The following RNF150 variants were observed in gnomAD, a reference collection of about 807,000 sequenced individuals.
RNF150 encodes ring finger protein 150.
A neutral mutation model predicts 39.3 loss-of-function variants in RNF150; 24 were observed. The observed-to-expected ratio is 0.61, with a 90% CI of 0.44 to 0.86. The LOEUF is 0.86. RNF150 is among the 40% of genes least tolerant of loss of function. The pLI, the probability that RNF150 is intolerant of heterozygous loss-of-function variation, is 0.00. For synonymous variants in RNF150, 255 were observed against 227.3 expected (o/e 1.12, Z -1.10); for missense variants, 502 against 587.8 (o/e 0.85, Z 1.51).
chr4:141,155,876 A>C (rs764210955), intron 1 of RNF150, among the ~76,000 whole-genome samples: 2 of 152,070 alleles, frequency 1.3e-5, no homozygotes, highest in Non-Finnish European at 2.9e-5. Flanking sequence ...TCAGTAGCAG[A>C]GCAAGTCTTT....
At chr4:141,045,764 G>C (rs539116337) in intron 1 of RNF150, among the ~76,000 whole-genome samples, 78 of 152,048 alleles carry the variant, frequency 5.1e-4, no homozygotes, top group African/African-American at 1.6e-3. Flanking sequence ...GGCTGGTCTT[G>C]AACTCCTGAC....
intron 1 of RNF150, among the ~76,000 whole-genome samples, chr4:141,125,331 G>A (rs1199788597): frequency 6.6e-6 from 1 of 152,112 alleles, no homozygotes; most frequent in Non-Finnish European, 1.5e-5. Context: ...ACAGCACAAC[G>A]CTGCCTTGTT....
intron 1 of RNF150, among the ~76,000 whole-genome samples, chr4:141,171,509 C>T (rs756294651): frequency 1.3e-5 from 2 of 151,348 alleles, no homozygotes; most frequent in Non-Finnish European, 2.9e-5. Context: ...GGGATTCTTA[C>T]TACTTACTAG....
chr4:140,958,817 G>A (rs1732891419), intron 2 of RNF150, among the ~76,000 whole-genome samples: 1 of 152,144 alleles, frequency 6.6e-6, no homozygotes, highest in Non-Finnish European at 1.5e-5. Flanking sequence ...GGCTGGTGAG[G>A]AGAGAGAGGT....
chr4:141,103,300 G>A (rs1445702463), intron 1 of RNF150, among the ~76,000 whole-genome samples: 3 of 152,154 alleles, frequency 2.0e-5, no homozygotes, highest in Admixed American at 6.5e-5. Flanking sequence ...ACTAGCCTCC[G>A]AGTTGTGAAG....
intron 1 of RNF150, among the ~76,000 whole-genome samples, chr4:141,105,189 A>C (rs990368508): frequency 6.6e-6 from 1 of 152,230 alleles, no homozygotes; most frequent in African/African-American, 2.4e-5. Context: ...ATAAGTGGGA[A>C]TAACCCTCTG....
intron 1 of RNF150, among the ~76,000 whole-genome samples, chr4:141,177,319 A>G (rs2660442): frequency 0.38 from 57,719 of 152,084 alleles, 13,393 homozygotes; most frequent in Non-Finnish European, 0.51. Context: ...CCATTCTGAT[A>G]CATCCTAAGC....
chr4:141,174,347 C>G (rs2111177240), intron 1 of RNF150, among the ~76,000 whole-genome samples: 1 of 152,230 alleles, frequency 6.6e-6, no homozygotes, highest in Non-Finnish European at 1.5e-5. Context: ...TGGGACCAGG[C>G]ACACTGAGCA....
chr4:140,949,184 C>A, intron 3 of RNF150, 117 bp downstream of exon 3: 1 of 679,310 alleles, frequency 1.5e-6, no homozygotes, highest in African/African-American at 1.8e-5. Flanking sequence ...ACTGATAGGA[C>A]AACTGTTAGC....
chr4:140,959,162 C>A (rs548398532), intron 2 of RNF150, among the ~76,000 whole-genome samples: 13 of 152,246 alleles, frequency 8.5e-5, no homozygotes, highest in African/African-American at 3.1e-4. Flanking sequence ...TGCCTTATAA[C>A]CCTGGCCTGC....
rs145136309 is a variant in RNF150, at chr4:140,981,842, CT to C, written c.485-13970del. Among the ~76,000 whole-genome samples the C allele has an allele frequency of 1.6e-3, 249 of 152,288 alleles. 1 individual carries two copies. The highest frequency in any genetic ancestry group is 5.8e-3 in the African/African-American group (240 of 41,576). The stretch of plus-strand genomic sequence containing the variant: ...GTTGAGGAAGCATTCTGCTCGAAGT[CT>C]TTTTAAAATGTTTCCTCCAGAGTCA... On this transcript the variant is annotated intron_variant, in intron 1 of 6. Coordinates refer to ENST00000515673, the MANE Select transcript of RNF150 (RefSeq NM_020724.2).
rs1352821262 is a variant in RNF150, at chr4:140,867,730, G to A, written c.*531C>T. 1 of 152,432 alleles carries A rather than the reference G, an allele frequency of 6.6e-6. No homozygotes were observed. Among genetic ancestry groups the A allele is most frequent in the Non-Finnish European group, 1.5e-5 (1 of 68,248 alleles). The allele number at this position is 152,432 out of a possible 1,614,324, so 9.4% of individuals were successfully genotyped here. A position where few individuals can be genotyped will look rare whatever the true frequency, so the allele number is the denominator to read the frequency against. On this transcript the variant is annotated 3_prime_UTR_variant, in exon 7 of 7. Transcript: ENST00000515673. ...CAAAGCCATGCACACTTCATGCTGG[G>A]AGGTCAAGACCACATATCTCAGAGA...
chr4:140,959,458 T>C (rs1385449598), intron 2 of RNF150, among the ~76,000 whole-genome samples: 1 of 152,142 alleles, frequency 6.6e-6, no homozygotes, highest in Non-Finnish European at 1.5e-5. Flanking sequence ...AGGGCTTGAA[T>C]GGGAATGAAT....
chr4:141,064,225 C>T (rs926251153), intron 1 of RNF150, among the ~76,000 whole-genome samples: 9 of 152,162 alleles, frequency 5.9e-5, no homozygotes, highest in African/African-American at 2.2e-4. Flanking sequence ...TCTGACAAAA[C>T]CAAGGCCACA....
intron 1 of RNF150, among the ~76,000 whole-genome samples, chr4:140,984,108 G>A (rs1733946314): frequency 6.6e-6 from 1 of 152,064 alleles, no homozygotes; most frequent in African/African-American, 2.4e-5. Context: ...GCGGTGTTAT[G>A]TCCGTGTTCA....
chr4:141,011,693 A>T (rs1735081271), intron 1 of RNF150, among the ~76,000 whole-genome samples: 1 of 152,250 alleles, frequency 6.6e-6, no homozygotes, highest in African/African-American at 2.4e-5. Flanking sequence ...CACAGTACCA[A>T]GACATTCAAT....
chr4:141,031,228 C>T (rs1735931965), intron 1 of RNF150, among the ~76,000 whole-genome samples: 1 of 151,750 alleles, frequency 6.6e-6, no homozygotes. Context: ...GAAACTAGAC[C>T]CTTATCTCAC....
At chr4:140,873,489 T>C (rs182261310) in intron 6 of RNF150, among the ~76,000 whole-genome samples, 1 of 152,294 alleles carries the variant, frequency 6.6e-6, no homozygotes, top group East Asian at 1.9e-4. Context: ...CATTTCCTCA[T>C]TTTCCTTTAA....
At chr4:140,985,852 TA>T (rs1734000028) in intron 1 of RNF150, among the ~76,000 whole-genome samples, 1 of 152,126 alleles carries the variant, frequency 6.6e-6, no homozygotes, top group Non-Finnish European at 1.5e-5. Flanking sequence ...AATTTAAAAT[TA>T]AATGTGTGGC....
Sources: allele counts gnomAD v4.1 joint callset (sites outside exome capture counted in the v4.1 genomes callset), GRCh38; gene constraint gnomAD v4.1.1; transcripts MANE v1.5; gene names NCBI Gene and HGNC (gene_info 2026-07-23, HGNC 2026-07-21).